Variants in TBC1D32 observed in about 807,000 individuals in gnomAD.
TBC1D32 encodes TBC1 domain family member 32.
A neutral mutation model predicts 170.3 loss-of-function variants in TBC1D32; 151 were observed. That is an observed-to-expected ratio of 0.89 (90% CI 0.78 to 1.01). The LOEUF is 1.01. Among genes scored for constraint, TBC1D32 ranks in the 50% least tolerant of loss-of-function variants. TBC1D32 has a pLI of 0.00. For missense variants in TBC1D32, 1,464 were observed against 1,457.1 expected, an observed-to-expected ratio of 1.00 and a Z score of -0.08; for synonymous variants, 498 against 488.0, an observed-to-expected ratio of 1.02 and a Z score of -0.27.
At chr6:121,279,371 G>T in intron 14 of TBC1D32, 126 bp from the exon 15 acceptor site, 2 of 1,119,630 alleles carry the variant, frequency 1.8e-6, no homozygotes. Context: ...CAAGCTTAAT[G>T]ATTTGTTTGG....
chr6:121,259,701 C>T lies in TBC1D32; in HGVS notation c.1734-3416G>A, dbSNP rs2128402368. On this transcript the variant is annotated intron_variant, in intron 15 of 31. Coordinates refer to ENST00000398212, the MANE Select transcript of TBC1D32 (RefSeq NM_152730.6). ...GACATAGAGAAACCTGAATTATCAG[C>T]CACAATGTGAAAAACAGAATAAACC... 2.0e-5 allele frequency among the ~76,000 whole-genome samples: 3 copies of T among 152,226 alleles called. No homozygotes were observed. In the Middle Eastern group the frequency reaches 0.01, roughly 518 times the overall value.
At chr6:121,305,289 T>G (rs1412496329) in intron 5 of TBC1D32, among the ~76,000 whole-genome samples, 1 of 152,006 alleles carries the variant, frequency 6.6e-6, no homozygotes, top group African/African-American at 2.4e-5. Flanking sequence ...CCCAAGAAAA[T>G]TACTCTATGT....
chr6:121,126,172 A>G, intron 26 of TBC1D32, among the ~76,000 whole-genome samples: 1 of 152,310 alleles, frequency 6.6e-6, no homozygotes, highest in South Asian at 2.1e-4. Context: ...AGAGAAAAAG[A>G]AAGCTCAAGA....
At chr6:121,149,508 T>C (rs967653100) in intron 24 of TBC1D32, among the ~76,000 whole-genome samples, 19 of 152,226 alleles carry the variant, frequency 1.2e-4, no homozygotes, top group Non-Finnish European at 2.4e-4. Flanking sequence ...ATTTATTAAA[T>C]AGGGAATCCT....
intron 3 of TBC1D32, among the ~76,000 whole-genome samples, chr6:121,314,245 G>A (rs2128492353): frequency 6.6e-6 from 1 of 152,272 alleles, no homozygotes; most frequent in East Asian, 1.9e-4. Flanking sequence ...CACCTTCTCT[G>A]ACACTGACTC....
intron 24 of TBC1D32, among the ~76,000 whole-genome samples, chr6:121,150,237 T>C (rs182269506): frequency 6.6e-6 from 1 of 152,368 alleles, no homozygotes; most frequent in African/African-American, 2.4e-5. Context: ...TGTTGCATTT[T>C]ATCAGACTTT....
At chr6:121,247,712 A>AAAAAAAAAAAAAAAAC (rs1232556275) in intron 17 of TBC1D32, among the ~76,000 whole-genome samples, 1 of 147,842 alleles carries the variant, frequency 6.8e-6, no homozygotes, top group African/African-American at 2.5e-5. Context: ...AAAAAAAAAA[A>AAAAAAAAAAAAAAAAC]AAAAAAGACA....
At chr6:121,185,914 G>A (rs1259252224) in intron 22 of TBC1D32, among the ~76,000 whole-genome samples, 3 of 152,004 alleles carry the variant, frequency 2.0e-5, no homozygotes, top group Admixed American at 6.6e-5. Context: ...AGGATATCAC[G>A]CAGGACACAA....
intron 25 of TBC1D32, among the ~76,000 whole-genome samples, chr6:121,126,712 C>CAGAATTTTT: frequency 6.6e-6 from 1 of 151,524 alleles, no homozygotes; most frequent in Non-Finnish European, 1.5e-5. Flanking sequence ...TTTAGATCCT[C>CAGAATTTTT]TAAGAATTAT....
chr6:121,223,109 A>C (rs1023238970), intron 21 of TBC1D32, 127 bp downstream of exon 21: 1 of 603,908 alleles, frequency 1.7e-6, no homozygotes, highest in Non-Finnish European at 2.8e-6. Flanking sequence ...TGCATGATTA[A>C]TCAAATCAGC....
intron 15 of TBC1D32, among the ~76,000 whole-genome samples, chr6:121,266,036 CA>C (rs1461033448): frequency 6.6e-6 from 1 of 151,968 alleles, no homozygotes; most frequent in Non-Finnish European, 1.5e-5. Flanking sequence ...GATGAAATCG[CA>C]AAAAGCAATT....
At chr6:121,267,272 C>T (rs1199056442) in intron 15 of TBC1D32, among the ~76,000 whole-genome samples, 2 of 152,058 alleles carry the variant, frequency 1.3e-5, no homozygotes, top group African/African-American at 4.8e-5. Flanking sequence ...TGGGGCTTGT[C>T]GTACACTGGG....
chr6:121,112,617 G>A lies in TBC1D32; in HGVS notation c.3212C>T (p.Ser1071Phe), dbSNP rs748226334. 2.9e-5 allele frequency: 46 copies of A among 1,606,818 alleles called. No individual in the cohort carries two copies. The Middle Eastern group carries it at 1.5e-3, about 52-fold the overall frequency. The stretch of plus-strand genomic sequence containing the variant: ...TCCCAACATTATCATGAACAGAGAA[G>A]ATACAAACCAGTCATGGCCAGCATA... Reference protein sequence around the residue: ...GNYAGHDWFVSSLFMIMLGDK... With the variant: ...GNYAGHDWFVFSLFMIMLGDK... The change falls in exon 29 of 32, where the codon TCT becomes TTT. Residue 1071 changes from serine to phenylalanine, a missense_variant. Physicochemically the swap from Ser to Phe is radical, Grantham distance 155. Around this residue, in one of 3 missense-constraint regions of TBC1D32, gnomAD observed 1,363 missense variants for 1,338.1 expected, o/e 1.02. Coordinates refer to ENST00000398212, the MANE Select transcript of TBC1D32 (RefSeq NM_152730.6).
chr6:121,190,394 C>A, intron 22 of TBC1D32, among the ~76,000 whole-genome samples: 1 of 148,928 alleles, frequency 6.7e-6, no homozygotes, highest in Non-Finnish European at 1.5e-5. Context: ...CACACATACC[C>A]CTTCCCCCCA....
intron 21 of TBC1D32, among the ~76,000 whole-genome samples, chr6:121,209,341 A>C (rs903185481): frequency 6.6e-6 from 1 of 152,182 alleles, no homozygotes; most frequent in Non-Finnish European, 1.5e-5. Context: ...AACATTTAGC[A>C]TGAGATCTGC....
intron 10 of TBC1D32, among the ~76,000 whole-genome samples, chr6:121,299,191 C>T (rs1806090769): frequency 6.6e-6 from 1 of 152,036 alleles, no homozygotes; most frequent in South Asian, 2.1e-4. Context: ...CTCAAACTAG[C>T]TTGTTATATA....
chr6:121,262,627 C>T (rs546099329), intron 15 of TBC1D32, among the ~76,000 whole-genome samples: 2 of 151,998 alleles, frequency 1.3e-5, no homozygotes, highest in Non-Finnish European at 2.9e-5. Context: ...TAGGCATGTG[C>T]CACCATACCT....
At chr6:121,152,390 C>T (rs1211901549) in intron 24 of TBC1D32, among the ~76,000 whole-genome samples, 2 of 152,142 alleles carry the variant, frequency 1.3e-5, no homozygotes, top group African/African-American at 2.4e-5. Flanking sequence ...ATGGGCTCCT[C>T]TTTGTGGGTA....
intron 1 of TBC1D32, among the ~76,000 whole-genome samples, chr6:121,324,913 CAAAA>C (rs1810251755): frequency 6.6e-6 from 1 of 152,052 alleles, no homozygotes; most frequent in African/African-American, 2.4e-5. Context: ...TGAGGTAAGT[CAAAA>C]AAGCTCTTTG....
Sources: allele counts gnomAD v4.1 joint callset (sites outside exome capture counted in the v4.1 genomes callset), GRCh38; gene constraint gnomAD v4.1.1; regional missense constraint gnomAD v4.1.1; transcripts MANE v1.5; gene names NCBI Gene and HGNC (gene_info 2026-07-23, HGNC 2026-07-21).